The following HEATR5B variants were observed in gnomAD, a reference collection of about 807,000 sequenced individuals.
The protein encoded by HEATR5B is HEAT repeat containing 5B, also known as HEAT repeat-containing protein 5B.
Under a neutral mutation model 224.1 loss-of-function variants are expected in HEATR5B, and 156 were observed. The ratio of observed to expected loss-of-function variants is 0.70; its 90% CI spans 0.61 to 0.80. The LOEUF is 0.80. Among genes scored for constraint, HEATR5B ranks in the 30% least tolerant of loss-of-function variants. The pLI, the probability that HEATR5B is intolerant of heterozygous loss-of-function variation, is 0.00. For missense variants in HEATR5B, 2,323 were observed against 2,535.5 expected (o/e 0.92, Z 1.80); for synonymous variants, 1,027 against 893.0 (o/e 1.15, Z -2.68).
rs1671834688 is a variant in HEATR5B at position 37,070,373 on chromosome 2, C to T, written c.784G>A (p.Val262Met). The T allele has an allele frequency of 6.2e-7, 1 of 1,613,114 alleles. No homozygotes were observed. Among genetic ancestry groups the T allele is most frequent in the Admixed American group, 1.7e-5 (1 of 59,898 alleles). The change falls in exon 7 of 36, where the codon GTG becomes ATG. Residue 262 changes from valine to methionine, a missense_variant. Physicochemically the swap from Val to Met is conservative, Grantham distance 21. Coordinates refer to ENST00000233099, the MANE Select transcript of HEATR5B (RefSeq NM_019024.3). ...PKQATVMRQN[V>M]KRATFDEVLE... Reference sequence around the variant, plus strand: ...ACTTCATCAAATGTTGCTCGCTTCACATTCTGACGCATTACTTTCAAGAAG... The same window carrying T: ...ACTTCATCAAATGTTGCTCGCTTCATATTCTGACGCATTACTTTCAAGAAG...
intron 14 of HEATR5B, among the ~76,000 whole-genome samples, chr2:37,058,167 G>A (rs1028148285): frequency 6.6e-6 from 1 of 152,150 alleles, no homozygotes; most frequent in East Asian, 1.9e-4. Flanking sequence ...TCTTGGGTAA[G>A]TTAAGTTTCT....
At chr2:37,034,156 G>A (rs1455422362) in intron 21 of HEATR5B, among the ~76,000 whole-genome samples, 5 of 151,190 alleles carry the variant, frequency 3.3e-5, no homozygotes, top group African/African-American at 1.2e-4. Context: ...ACAGGTGCCC[G>A]CCACCACGCC....
intron 26 of HEATR5B, 42 bp downstream of exon 26, chr2:37,019,767 T>A: frequency 7.6e-7 from 1 of 1,311,448 alleles, no homozygotes; most frequent in Non-Finnish European, 1.1e-6. Flanking sequence ...TATCTATGAA[T>A]GTATAGAAGA....
intron 22 of HEATR5B, 95 bp downstream of exon 22, chr2:37,032,534 C>T (rs915253476): frequency 6.0e-6 from 6 of 993,738 alleles, no homozygotes; most frequent in Admixed American, 2.3e-5. Flanking sequence ...CATCTGGCCA[C>T]ATTGCAACAG....
intron 15 of HEATR5B, 65 bp from the exon 16 acceptor site, chr2:37,056,680 G>C (rs1252949622): frequency 2.2e-6 from 3 of 1,354,230 alleles, no homozygotes; most frequent in Non-Finnish European, 3.0e-6. Context: ...TTAAACATTG[G>C]GAATGAGGAT....
chr2:37,019,901 T>C (rs767472537), intron 25 of HEATR5B, 24 bp from the exon 26 acceptor site: 3 of 1,537,136 alleles, frequency 2.0e-6, no homozygotes, highest in South Asian at 1.1e-5. Flanking sequence ...TAAAGCATTT[T>C]ATTTTTTACT....
intron 33 of HEATR5B, among the ~76,000 whole-genome samples, chr2:36,991,495 C>CAAAAAAAAAAAA (rs56351937): frequency 9.9e-6 from 1 of 101,322 alleles, no homozygotes. Context: ...AACTCTGTCT[C>CAAAAAAAAAAAA]AAAAAAAAAA....
intron 10 of HEATR5B, among the ~76,000 whole-genome samples, chr2:37,063,531 C>T (rs989161856): frequency 9.9e-5 from 15 of 151,990 alleles, no homozygotes; most frequent in African/African-American, 3.6e-4. Flanking sequence ...GAAGATGGGA[C>T]GTGTGGGGAA....
In HEATR5B at chr2:37,007,289, G is replaced by A; in HGVS notation, c.4538C>T (p.Thr1513Ile). ...TCTAGCTGTATCAATAGTTTCAGGG[G>A]TATAAAATGCTCCACCTGTAAAGCA... ...QLPPDGGAFY[T>I]PETIDTARLH... Residue 1513 changes from threonine to isoleucine, a missense_variant, in exon 29 of 36, where the codon ACC becomes ATC. Thr to Ile is a moderately conservative substitution (Grantham distance 89). Around this residue, in one of 12 missense-constraint regions of HEATR5B, gnomAD observed 844 missense variants for 812.9 expected, o/e 1.04. Coordinates refer to ENST00000233099, the MANE Select transcript of HEATR5B (RefSeq NM_019024.3). 2.5e-6 allele frequency: 4 copies of A among 1,609,484 alleles called. No homozygotes were observed. The highest frequency in any genetic ancestry group is 3.4e-6 in the Non-Finnish European group (4 of 1,177,682).
intron 26 of HEATR5B, among the ~76,000 whole-genome samples, chr2:37,017,687 C>CAAAAAAAAAAAAAAAAAAAAAAAAAAAA (rs1056240189): frequency 1.6e-5 from 1 of 61,696 alleles, no homozygotes; most frequent in Non-Finnish European, 2.9e-5. Context: ...AATTCCGTCT[C>CAAAAAAAAAAAAAAAAAAAAAAAAAAAA]AAAAAAAAAA....
chr2:37,035,416 TGTTCC>T (rs1363892919), intron 21 of HEATR5B, among the ~76,000 whole-genome samples: 1 of 152,222 alleles, frequency 6.6e-6, no homozygotes, highest in East Asian at 1.9e-4. Context: ...CACTCCGTTG[TGTTCC>T]ATTTGTCTAC....
At chr2:37,057,967 T>C (rs1422541651) in intron 14 of HEATR5B, among the ~76,000 whole-genome samples, 1 of 152,228 alleles carries the variant, frequency 6.6e-6, no homozygotes, top group Non-Finnish European at 1.5e-5. Context: ...ATGATTATAC[T>C]GGAAAGAAAT....
intron 33 of HEATR5B, among the ~76,000 whole-genome samples, chr2:36,995,740 A>G (rs1255657302): frequency 1.3e-5 from 2 of 152,214 alleles, no homozygotes; most frequent in East Asian, 3.8e-4. Flanking sequence ...TATATTGGAT[A>G]TATTATCCAA....
chr2:37,074,290 T>C (rs1200053969), intron 5 of HEATR5B, among the ~76,000 whole-genome samples: 1 of 137,800 alleles, frequency 7.3e-6, no homozygotes, highest in Non-Finnish European at 1.5e-5. Flanking sequence ...ACCACTGCAC[T>C]CCAGCCTGGG....
rs1668676036 is a variant in HEATR5B, at chr2:37,024,912, C to T, written c.3853+3011G>A. Among the ~76,000 whole-genome samples the T allele has an allele frequency of 2.6e-5, 4 of 152,078 alleles. No individual in the cohort carries two copies. The South Asian group carries it at 8.3e-4, about 31-fold the overall frequency. ...TCAAAGCAAGACCTCCGTCTTTTTT[C>T]TAAATCCTAGGAAATGAACTCTTGA... is the stretch of plus-strand genomic sequence containing the variant. On this transcript the variant is annotated intron_variant, in intron 24 of 35. Coordinates refer to ENST00000233099, the MANE Select transcript of HEATR5B (RefSeq NM_019024.3).
At chr2:37,021,307 T>C (rs1480213960) in intron 24 of HEATR5B, among the ~76,000 whole-genome samples, 3 of 152,220 alleles carry the variant, frequency 2.0e-5, no homozygotes, top group Admixed American at 1.3e-4. Flanking sequence ...CTGTGTGTCA[T>C]TGCCTCATTT....
intron 30 of HEATR5B, among the ~76,000 whole-genome samples, chr2:37,004,364 T>G (rs1432380110): frequency 6.6e-6 from 1 of 150,720 alleles, no homozygotes; most frequent in East Asian, 1.9e-4. Flanking sequence ...ATATCTCGTA[T>G]GTTTTCAACT....
intron 33 of HEATR5B, among the ~76,000 whole-genome samples, chr2:36,993,767 G>A (rs1301887234): frequency 6.6e-6 from 1 of 151,978 alleles, no homozygotes; most frequent in Non-Finnish European, 1.5e-5. Context: ...GATGTGCTAA[G>A]ATATAACATT....
chr2:37,036,028 C>T lies in HEATR5B; in HGVS notation c.3216+1827G>A, dbSNP rs551771923. The stretch of plus-strand genomic sequence containing the variant: ...CCAATTAATGAACAAATCCTTCATC[C>T]TAAATATTATTCAAATCCATTGATT... On this transcript the variant is annotated intron_variant, in intron 21 of 35. Transcript: ENST00000233099. Among the ~76,000 whole-genome samples the T allele has an allele frequency of 2.0e-5, 3 of 152,294 alleles. No individual in the cohort carries two copies. In the South Asian group the frequency reaches 6.2e-4, roughly 32 times the overall value.
Sources: gnomAD v4.1 joint callset for allele counts (sites outside exome capture counted in the v4.1 genomes callset) on GRCh38, gnomAD v4.1.1 for gene constraint, gnomAD v4.1.1 regional missense constraint, MANE v1.5 for transcripts, NCBI Gene and HGNC (gene_info 2026-07-23, HGNC 2026-07-21) for gene names.